Variants in KDM4C observed in about 807,000 individuals in gnomAD.
KDM4C encodes lysine-specific demethylase 4C.
A neutral mutation model predicts 129.3 loss-of-function variants in KDM4C; 81 were observed. That is an observed-to-expected ratio of 0.63 (90% CI 0.52 to 0.75). KDM4C has a LOEUF of 0.75. Among genes scored for constraint, KDM4C ranks in the 30% least tolerant of loss-of-function variants. KDM4C has a pLI of 0.00. For missense variants in KDM4C, 1,457 were observed against 1,304.0 expected (o/e 1.12, Z -1.81); for synonymous variants, 573 against 456.1 (o/e 1.26, Z -3.26).
intron 4 of KDM4C, among the ~76,000 whole-genome samples, chr9:6,833,701 C>G (rs1389633277): frequency 6.6e-6 from 1 of 152,152 alleles, no homozygotes; most frequent in Non-Finnish European, 1.5e-5. Context: ...CTGGTATGTA[C>G]TGAATCAGTG....
chr9:6,970,275 A>G (rs1399286494), intron 8 of KDM4C, among the ~76,000 whole-genome samples: 1 of 152,236 alleles, frequency 6.6e-6, no homozygotes, highest in East Asian at 1.9e-4. Context: ...TAAGTTTCCC[A>G]AAACTTAACC....
At chr9:6,934,742 G>A (rs545841414) in intron 8 of KDM4C, among the ~76,000 whole-genome samples, 5 of 152,112 alleles carry the variant, frequency 3.3e-5, no homozygotes, top group Non-Finnish European at 5.9e-5. Flanking sequence ...GATTGCAGGC[G>A]TGAGCCACTG....
intron 17 of KDM4C, among the ~76,000 whole-genome samples, chr9:7,087,782 A>G (rs1835307925): frequency 6.6e-6 from 1 of 152,230 alleles, no homozygotes; most frequent in Non-Finnish European, 1.5e-5. Flanking sequence ...ATTTAGAGAT[A>G]CATGTTTTAT....
At chr9:7,107,596 G>A (rs1296009190) in intron 18 of KDM4C, among the ~76,000 whole-genome samples, 1 of 152,162 alleles carries the variant, frequency 6.6e-6, no homozygotes, top group Non-Finnish European at 1.5e-5. Context: ...AATGAACATG[G>A]CCTCTTTATA....
intron 17 of KDM4C, among the ~76,000 whole-genome samples, chr9:7,068,987 G>A (rs1344645177): frequency 3.9e-5 from 6 of 152,070 alleles, no homozygotes; most frequent in East Asian, 1.9e-4. Context: ...GTGAGCCACC[G>A]CGCCTGGCCT....
At chr9:6,798,361 C>A (rs1262503963) in intron 2 of KDM4C, among the ~76,000 whole-genome samples, 1 of 151,442 alleles carries the variant, frequency 6.6e-6, no homozygotes, top group Non-Finnish European at 1.5e-5. Context: ...AGCAGATAAA[C>A]AAGTGAACAA....
In KDM4C at chr9:6,776,857, C is replaced by G. The variant is rs189183057; in HGVS notation, c.-17-16115C>G. ...GACCTCATGATCCACCCGCCTCGGCCTCCCAAAGTGCTGGGATTACAGGCG... is the reference window on the plus strand; with the variant it reads ...GACCTCATGATCCACCCGCCTCGGCGTCCCAAAGTGCTGGGATTACAGGCG... On this transcript the variant is annotated intron_variant, in intron 1 of 21. Transcript: ENST00000381309. Among the ~76,000 whole-genome samples, 130 of 151,324 alleles carry G rather than the reference C, an allele frequency of 8.6e-4. 3 individuals are homozygous for G. In the East Asian group the frequency reaches 9.9e-3, roughly 11 times the overall value.
chr9:7,124,356 G>A (rs1488121568), intron 18 of KDM4C, among the ~76,000 whole-genome samples: 1 of 152,218 alleles, frequency 6.6e-6, no homozygotes, highest in Non-Finnish European at 1.5e-5. Context: ...CTGCAAGAAA[G>A]TTCTGCCAAG....
intron 3 of KDM4C, among the ~76,000 whole-genome samples, chr9:6,813,554 G>C (rs1831551114): frequency 6.6e-6 from 1 of 152,060 alleles, no homozygotes; most frequent in African/African-American, 2.4e-5. Flanking sequence ...TGTCCAGTAT[G>C]CTTTATAGGG....
At chr9:7,096,914 G>C (rs1836505060) in intron 17 of KDM4C, among the ~76,000 whole-genome samples, 1 of 152,032 alleles carries the variant, frequency 6.6e-6, no homozygotes, top group Non-Finnish European at 1.5e-5. Context: ...CTCTCACCTG[G>C]GCAAGTGAAG....
At chr9:6,962,033 T>C (rs944913525) in intron 8 of KDM4C, among the ~76,000 whole-genome samples, 3 of 152,206 alleles carry the variant, frequency 2.0e-5, no homozygotes, top group Non-Finnish European at 4.4e-5. Flanking sequence ...TATGTACTTA[T>C]GTCAGAGTCG....
chr9:6,728,070 A>G (rs1163451560), intron 1 of KDM4C, among the ~76,000 whole-genome samples: 2 of 30,344 alleles, frequency 6.6e-5, no homozygotes, highest in Admixed American at 4.0e-4. Context: ...AAGCTGCAAA[A>G]AAAAAAAAAA....
At position 6,832,743 on chromosome 9, in the gene KDM4C, C is replaced by T. The variant is rs532662131; in HGVS notation, c.436-16764C>T. On this transcript the variant is annotated intron_variant, in intron 4 of 21. Transcript: ENST00000381309. The stretch of plus-strand genomic sequence containing the variant: ...CCCGGCCTTTTTTTTTTTTTTTTTA[C>T]GGAGATGGAGTTTTGCTCTTGTTGC... 3.0e-4 allele frequency among the ~76,000 whole-genome samples: 22 copies of T among 73,782 alleles called. No homozygotes were observed. The East Asian group carries it at 7.9e-3, about 26-fold the overall frequency. 48.4% of individuals were successfully genotyped at this position (73,782 alleles called of 152,430 possible).
intron 5 of KDM4C, among the ~76,000 whole-genome samples, chr9:6,866,927 A>G (rs1842078148): frequency 6.8e-6 from 1 of 147,144 alleles, no homozygotes. Flanking sequence ...ATATATAGAA[A>G]AATGTATGTA....
chr9:7,034,981 T>C (rs1827381616), intron 15 of KDM4C, among the ~76,000 whole-genome samples: 1 of 152,156 alleles, frequency 6.6e-6, no homozygotes, highest in Non-Finnish European at 1.5e-5. Context: ...GTGAAATGTA[T>C]GTTCAGATCA....
intron 8 of KDM4C, among the ~76,000 whole-genome samples, chr9:6,970,106 G>A (rs1361146827): frequency 6.6e-6 from 1 of 152,190 alleles, no homozygotes; most frequent in African/African-American, 2.4e-5. Flanking sequence ...GACAATCAAG[G>A]TGCTCTTTTT....
chr9:7,121,387 G>T lies in KDM4C; in HGVS notation c.2611-6679G>T, dbSNP rs571561629. On this transcript the variant is annotated intron_variant, in intron 18 of 21. Transcript: ENST00000381309. The stretch of plus-strand genomic sequence containing the variant: ...AGAGTCTGAGGTTCTTAGAGAGAAA[G>T]CAGAAGTGTTCAAGCCCTCTTGAAC... Among the ~76,000 whole-genome samples the T allele has an allele frequency of 2.0e-5, 3 of 152,288 alleles. No individual in the cohort carries two copies. The East Asian group carries it at 5.8e-4, about 29-fold the overall frequency.
intron 5 of KDM4C, among the ~76,000 whole-genome samples, chr9:6,852,583 C>G (rs972487967): frequency 1.4e-4 from 22 of 152,192 alleles, no homozygotes; most frequent in Admixed American, 1.2e-3. Flanking sequence ...CTGTCCTCTC[C>G]TTGTTGAGCT....
intron 19 of KDM4C, among the ~76,000 whole-genome samples, chr9:7,159,396 C>T (rs1479582659): frequency 6.6e-6 from 1 of 152,052 alleles, no homozygotes; most frequent in African/African-American, 2.4e-5. Flanking sequence ...GGTTATTTTG[C>T]CTGTTAGTTG....
Sources: allele counts gnomAD v4.1 joint callset (sites outside exome capture counted in the v4.1 genomes callset), GRCh38; gene constraint gnomAD v4.1.1; transcripts MANE v1.5; gene names NCBI Gene and HGNC (gene_info 2026-07-23, HGNC 2026-07-21).